Variants in TRPM3 observed in about 807,000 individuals in gnomAD.
TRPM3 encodes the protein long transient receptor potential channel 3.
TRPM3 carries 77 observed loss-of-function variants against 181.2 expected under a neutral mutation model. That is an observed-to-expected ratio of 0.42 (90% CI 0.35 to 0.51). The LOEUF is 0.51. TRPM3 is among the 20% of genes least tolerant of loss of function. TRPM3 has a pLI of 0.01. For missense variants in TRPM3, 1,759 were observed against 2,196.7 expected (o/e 0.80, Z 3.98); for synonymous variants, 745 against 796.4 (o/e 0.94, Z 1.09).
At chr9:70,758,478 T>G (rs949199330) in intron 8 of TRPM3, among the ~76,000 whole-genome samples, 4 of 152,298 alleles carry the variant, frequency 2.6e-5, no homozygotes, top group Middle Eastern at 3.4e-3. Context: ...TAGGAAAAAC[T>G]ACTTTTAATT....
chr9:70,588,333 G>A lies in TRPM3; in HGVS notation c.3223+2698C>T, dbSNP rs146672869. On this transcript the variant is annotated intron_variant, in intron 22 of 25. Transcript: ENST00000677713. ...TCCCAGAAGTGAGGGCATCAAAGCCGCCCTCTCTTCTGAGGTGTATGATTG... is the reference window on the plus strand; with the variant it reads ...TCCCAGAAGTGAGGGCATCAAAGCCACCCTCTCTTCTGAGGTGTATGATTG... 8.6e-3 allele frequency among the ~76,000 whole-genome samples: 1,314 copies of A among 152,096 alleles called. 7 individuals carry two copies. Among genetic ancestry groups the A allele is most frequent in the South Asian group, 0.018 (86 of 4,802 alleles).
rs180992504 is a variant in TRPM3 at position 70,558,670 on chromosome 9, A to T, written c.3224-5360T>A. Among the ~76,000 whole-genome samples, 311 of 152,342 alleles carry T rather than the reference A, an allele frequency of 2.0e-3. 2 individuals are homozygous for T. Among genetic ancestry groups the T allele is most frequent in the African/African-American group, 7.0e-3 (292 of 41,580 alleles). On this transcript the variant is annotated intron_variant, in intron 22 of 25. Coordinates refer to ENST00000677713, the MANE Select transcript of TRPM3 (RefSeq NM_001366145.2). ...CCTGTAGGATTAATGCAGCTGGGAA[A>T]CTTTGGCCAAGCACCTGGCCAAAGT... is the stretch of plus-strand genomic sequence containing the variant.
In TRPM3 at chr9:71,121,592, G is replaced by T; in HGVS notation, c.-238C>A. On this transcript the variant is annotated 5_prime_UTR_variant, in exon 1 of 26. Transcript: ENST00000677713. ...GGACAGCCTGCACAAAACAGCCTGT[G>T]GTCGGAGTCAAAGCAGCCTGCTCCA... The T allele has an allele frequency of 7.0e-6, 9 of 1,290,520 alleles. No individual in the cohort carries two copies. The highest frequency in any genetic ancestry group is 4.9e-5 in the South Asian group (2 of 40,490). 79.9% of individuals were successfully genotyped at this position (1,290,520 alleles called of 1,614,324 possible).
Position 70,869,109 on chromosome 9 carries a change from A to T in TRPM3, c.178-4598T>A, listed in dbSNP as rs965063642. The T allele has an allele frequency of 3.1e-6, 3 of 962,666 alleles. No homozygotes were observed. In the African/African-American group the frequency reaches 5.3e-5, roughly 17 times the overall value. 59.6% of individuals were successfully genotyped at this position (962,666 alleles called of 1,614,324 possible). ...CTCTTATGACCGCCCACTGGAAAAA[A>T]AAAGTCACTTGTTCGGCTCTTCCCC... is the stretch of plus-strand genomic sequence containing the variant. On this transcript the variant is annotated intron_variant, in intron 1 of 25. Transcript: ENST00000677713.
chr9:70,992,791 A>G (rs1306214667), intron 1 of TRPM3, among the ~76,000 whole-genome samples: 1 of 152,210 alleles, frequency 6.6e-6, no homozygotes, highest in African/African-American at 2.4e-5. Context: ...TGAATAAATA[A>G]ATCAGAAAAC....
intron 1 of TRPM3, among the ~76,000 whole-genome samples, chr9:71,078,883 A>G (rs1287208419): frequency 6.6e-6 from 1 of 152,220 alleles, no homozygotes; most frequent in Non-Finnish European, 1.5e-5. Flanking sequence ...AATAAGTGCC[A>G]TGACTGTCAC....
intron 22 of TRPM3, among the ~76,000 whole-genome samples, chr9:70,589,852 G>T (rs964677868): frequency 6.6e-6 from 1 of 152,148 alleles, no homozygotes; most frequent in African/African-American, 2.4e-5. Flanking sequence ...TGTTGCCAAC[G>T]TACACATCCT....
In TRPM3 at chr9:71,268,563, G is replaced by A. The variant is rs144772238; in HGVS notation, c.183+178090C>T. ...CTGAGGGCTGGGCACGGTGGCTCAC[G>A]CCTGTAATCCTAGCACTTTTGGAGG... On this transcript the variant is annotated intron_variant, in intron 1 of 24. Transcript: ENST00000357533. Among the ~76,000 whole-genome samples, 1,338 of 152,208 alleles carry A rather than the reference G, an allele frequency of 8.8e-3. 26 individuals carry two copies. The highest frequency in any genetic ancestry group is 0.031 in the African/African-American group (1,276 of 41,536).
chr9:70,968,638 G>C (rs2097208615), intron 1 of TRPM3, among the ~76,000 whole-genome samples: 1 of 152,140 alleles, frequency 6.6e-6, no homozygotes, highest in South Asian at 2.1e-4. Context: ...ACTGGCTTCA[G>C]AGAAAAGGAG....
intron 1 of TRPM3, among the ~76,000 whole-genome samples, chr9:71,373,176 G>A (rs1043209819): frequency 2.0e-5 from 3 of 152,130 alleles, no homozygotes; most frequent in East Asian, 1.9e-4. Context: ...AAGCTAGAAC[G>A]ATCTCAGTTA....
At position 70,761,654 on chromosome 9, in the gene TRPM3, G is replaced by T; in HGVS notation, c.1219C>A (p.Gln407Lys). 1 of 1,613,902 alleles carries T rather than the reference G, an allele frequency of 6.2e-7. No individual in the cohort carries two copies. Among genetic ancestry groups the T allele is most frequent in the East Asian group, 2.2e-5 (1 of 44,824 alleles). The change falls in exon 8 of 26, where the codon CAA becomes AAA. Residue 407 changes from glutamine (Q) to lysine (K), a missense_variant. Gln to Lys is a moderately conservative substitution (Grantham distance 53). Transcript: ENST00000677713. ...IQKTFTYTRTQAQHLFIILME... is the reference protein window; with the variant it reads ...IQKTFTYTRTKAQHLFIILME... ...AGGATGATGAACAGATGCTGAGCTT[G>T]GGTTCGAGTGTATGTGAAAGTCTTC...
chr9:70,877,922 A>G (rs1456534742), intron 1 of TRPM3, among the ~76,000 whole-genome samples: 3 of 151,930 alleles, frequency 2.0e-5, no homozygotes, highest in African/African-American at 7.2e-5. Flanking sequence ...TATATTATAT[A>G]CTATTGTACT....
intron 1 of TRPM3, among the ~76,000 whole-genome samples, chr9:71,395,429 A>G (rs1417899617): frequency 6.6e-6 from 1 of 152,236 alleles, no homozygotes; most frequent in Non-Finnish European, 1.5e-5. Flanking sequence ...AGTACACTAC[A>G]TAGGAAAAGG....
At chr9:71,355,953 C>G (rs62544229) in intron 1 of TRPM3, among the ~76,000 whole-genome samples, 1,744 of 151,974 alleles carry the variant, frequency 0.011, 9 homozygotes, top group Non-Finnish European at 0.019. Context: ...ATGATCTAAA[C>G]CATTACACTT....
At chr9:71,386,974 T>A (rs895672661) in intron 1 of TRPM3, among the ~76,000 whole-genome samples, 1 of 152,170 alleles carries the variant, frequency 6.6e-6, no homozygotes, top group African/African-American at 2.4e-5. Context: ...ACAGTCAGAA[T>A]TTTTGGAAAT....
At chr9:71,289,987 T>C (rs955921832) in intron 1 of TRPM3, among the ~76,000 whole-genome samples, 6 of 150,508 alleles carry the variant, frequency 4.0e-5, no homozygotes, top group Middle Eastern at 3.4e-3. Context: ...TCATTTACCC[T>C]GATTTGATCA....
chr9:70,564,933 G>C (rs894963045), intron 22 of TRPM3, among the ~76,000 whole-genome samples: 3 of 152,158 alleles, frequency 2.0e-5, no homozygotes, highest in Admixed American at 6.5e-5. Context: ...CACGGTTCAG[G>C]CTCGAATCTC....
intron 4 of TRPM3, among the ~76,000 whole-genome samples, chr9:70,843,410 CA>C (rs2094805191): frequency 1.0e-5 from 1 of 100,450 alleles, no homozygotes; most frequent in African/African-American, 3.6e-5. Flanking sequence ...AGAATAAATA[CA>C]ATTTTTTTTA....
chr9:70,655,282 G>A (rs2060157683), intron 9 of TRPM3, among the ~76,000 whole-genome samples: 1 of 127,224 alleles, frequency 7.9e-6, no homozygotes, highest in Admixed American at 8.6e-5. Flanking sequence ...CTCCAGCCTG[G>A]GCGAAAGAGT....
Sources: gnomAD v4.1 joint callset for allele counts (sites outside exome capture counted in the v4.1 genomes callset) on GRCh38, gnomAD v4.1.1 for gene constraint, MANE v1.5 for transcripts, NCBI Gene and HGNC (gene_info 2026-07-23, HGNC 2026-07-21) for gene names.